CDC42BPA: variants seen among roughly 807,000 people sequenced by gnomAD.
CDC42BPA encodes the protein serine/threonine-protein kinase MRCK alpha.
CDC42BPA carries 80 observed loss-of-function variants against 223.5 expected under a neutral mutation model. The ratio of observed to expected loss-of-function variants is 0.36; its 90% CI spans 0.30 to 0.43. CDC42BPA has a LOEUF of 0.43. Ranked by LOEUF, CDC42BPA falls within the 20% of genes least tolerant of loss-of-function variation. CDC42BPA has a pLI of 1.00. For synonymous variants in CDC42BPA, 694 were observed against 718.6 expected (o/e 0.97, Z 0.55); for missense variants, 1,743 against 2,099.9 (o/e 0.83, Z 3.32).
rs765320519 is a variant in CDC42BPA, at chr1:227,028,858, C to G, written c.4231G>C (p.Gly1411Arg). 5 of 1,613,632 alleles carry G rather than the reference C, an allele frequency of 3.1e-6. No homozygotes were observed. The South Asian group carries it at 5.5e-5, about 18-fold the overall frequency. The part of the protein sequence containing the change: ...GFLRYPLNGE[G>R]NPYSMLHSND... ...GAATGGAGCATACTGTATGGATTTC[C>G]TTCTCCATTCAAGGGGTATCTTAGA... The change falls in exon 30 of 37, where the codon GGA becomes CGA. Residue 1411 changes from glycine (G) to arginine (R), a missense_variant. Around this residue, in one of 6 missense-constraint regions of CDC42BPA, gnomAD observed 678 missense variants for 777.5 expected, o/e 0.87. Transcript: ENST00000366766.
At chr1:227,104,961 G>GA (rs201877568) in intron 14 of CDC42BPA, among the ~76,000 whole-genome samples, 43 of 149,046 alleles carry the variant, frequency 2.9e-4, no homozygotes, top group South Asian at 1.1e-3. Context: ...ACACAATAGG[G>GA]AAAAAAAAAT....
chr1:227,193,942 T>G lies in CDC42BPA; in HGVS notation c.451-8A>C. On this transcript the variant is annotated splice_region_variant and splice_polypyrimidine_tract_variant and intron_variant, in intron 4 of 36. Transcript: ENST00000366766. ...ATAATCCATAACCAGGTACTGTGAATGAAAAAAATAAAATGTACTCAGTAA... is the reference window on the plus strand; with the variant it reads ...ATAATCCATAACCAGGTACTGTGAAGGAAAAAAATAAAATGTACTCAGTAA... The G allele has an allele frequency of 6.3e-7, 1 of 1,591,572 alleles. No individual in the cohort carries two copies. Among genetic ancestry groups the G allele is most frequent in the Non-Finnish European group, 8.5e-7 (1 of 1,170,512 alleles).
chr1:227,305,450 G>C (rs59187211), intron 1 of CDC42BPA, among the ~76,000 whole-genome samples: 46,764 of 151,980 alleles, frequency 0.31, 7,381 homozygotes, highest in East Asian at 0.37. Context: ...AAGAAACCTC[G>C]TCTTCATTTC....
chr1:227,171,413 G>A (rs560862166), intron 5 of CDC42BPA, among the ~76,000 whole-genome samples: 36 of 152,270 alleles, frequency 2.4e-4, no homozygotes, highest in Non-Finnish European at 1.5e-5. Flanking sequence ...TTGAGTCCAG[G>A]AGTTTATGAC....
chr1:227,011,528 T>C (rs1043627919), intron 34 of CDC42BPA, among the ~76,000 whole-genome samples: 10 of 152,192 alleles, frequency 6.6e-5, no homozygotes, highest in African/African-American at 2.4e-4. Context: ...CATTCCCTGA[T>C]AATGTGTTTG....
rs140091366 is a variant in CDC42BPA at position 227,129,714 on chromosome 1, T to TATATATATATAC, written c.1391-484_1391-483insGTATATATATAT. On this transcript the variant is annotated intron_variant, in intron 10 of 36. Coordinates refer to ENST00000366766, the MANE Select transcript of CDC42BPA (RefSeq NM_001394014.1). The stretch of plus-strand genomic sequence containing the variant: ...AAAAAATCCACTGCATATATATATA[T>TATATATATATAC]ACAAAAGAATCCACCTTCTAATAAT... Among the ~76,000 whole-genome samples the TATATATATATAC allele has an allele frequency of 1.9e-3, 197 of 105,760 alleles. 4 individuals carry two copies. The highest frequency in any genetic ancestry group is 9.7e-3 in the East Asian group (37 of 3,828). 69.4% of individuals were successfully genotyped at this position (105,760 alleles called of 152,430 possible).
chr1:227,263,585 T>A (rs907045374), intron 1 of CDC42BPA, among the ~76,000 whole-genome samples: 2 of 149,092 alleles, frequency 1.3e-5, no homozygotes, highest in African/African-American at 4.9e-5. Context: ...AGAATCAATT[T>A]TTTTTTTTTT....
chr1:227,076,964 T>C (rs1679619581), intron 17 of CDC42BPA, among the ~76,000 whole-genome samples: 1 of 152,222 alleles, frequency 6.6e-6, no homozygotes, highest in Non-Finnish European at 1.5e-5. Context: ...GAAGCTAATC[T>C]GTTAAAACTC....
At chr1:227,177,136 A>AAAAT (rs1553378357) in intron 5 of CDC42BPA, among the ~76,000 whole-genome samples, 6 of 147,512 alleles carry the variant, frequency 4.1e-5, no homozygotes, top group African/African-American at 1.6e-4. Context: ...AGAAAAAAAA[A>AAAAT]ATATATATAT....
At chr1:227,135,651 G>C in intron 10 of CDC42BPA, among the ~76,000 whole-genome samples, 1 of 151,914 alleles carries the variant, frequency 6.6e-6, no homozygotes. Context: ...TCAGGAGATC[G>C]AGACTATCCT....
chr1:227,155,638 C>T (rs889356901), intron 6 of CDC42BPA, among the ~76,000 whole-genome samples: 4 of 152,214 alleles, frequency 2.6e-5, no homozygotes, highest in South Asian at 2.1e-4. Context: ...AGTAATTCAA[C>T]GTGGTGGAGA....
intron 23 of CDC42BPA, among the ~76,000 whole-genome samples, chr1:227,042,217 T>G (rs1393644297): frequency 6.6e-6 from 1 of 151,854 alleles, no homozygotes; most frequent in Non-Finnish European, 1.5e-5. Context: ...CCTGAAACAG[T>G]AGCAATGAAA....
At chr1:227,063,819 A>G (rs1448711414) in intron 21 of CDC42BPA, among the ~76,000 whole-genome samples, 1 of 152,210 alleles carries the variant, frequency 6.6e-6, no homozygotes, top group African/African-American at 2.4e-5. Context: ...CGCTGAAACT[A>G]TGCTGCCAAG....
At chr1:227,027,691 T>G (rs1438726220) in intron 30 of CDC42BPA, among the ~76,000 whole-genome samples, 1 of 152,214 alleles carries the variant, frequency 6.6e-6, no homozygotes, top group African/African-American at 2.4e-5. Context: ...TCACGAATCT[T>G]TTCCACTGCA....
intron 35 of CDC42BPA, among the ~76,000 whole-genome samples, chr1:227,001,547 T>C (rs1387376987): frequency 6.6e-6 from 1 of 152,146 alleles, no homozygotes; most frequent in African/African-American, 2.4e-5. Context: ...ATTCCACAAA[T>C]CCAAAAGTGC....
chr1:227,091,547 T>A (rs1558477319), intron 16 of CDC42BPA, among the ~76,000 whole-genome samples: 1 of 152,162 alleles, frequency 6.6e-6, no homozygotes, highest in Non-Finnish European at 1.5e-5. Flanking sequence ...TGCAGAACCA[T>A]AAGCCAAAAT....
intron 11 of CDC42BPA, among the ~76,000 whole-genome samples, chr1:227,120,924 A>T (rs776707934): frequency 6.6e-6 from 1 of 152,206 alleles, no homozygotes; most frequent in African/African-American, 2.4e-5. Flanking sequence ...ATCATCAGGC[A>T]TTAGTCAGAT....
At chr1:227,181,014 T>G (rs1478425292) in intron 5 of CDC42BPA, among the ~76,000 whole-genome samples, 1 of 152,094 alleles carries the variant, frequency 6.6e-6, no homozygotes, top group Non-Finnish European at 1.5e-5. Context: ...TGTTAAGTCA[T>G]TAGAAATAAC....
chr1:227,200,407 G>A (rs112554566), intron 3 of CDC42BPA, among the ~76,000 whole-genome samples: 23,831 of 147,052 alleles, frequency 0.16, 2,408 homozygotes, highest in African/African-American at 0.28. Flanking sequence ...CTCCAACCTG[G>A]GTGACAGAGT....
Sources: allele counts gnomAD v4.1 joint callset (sites outside exome capture counted in the v4.1 genomes callset), GRCh38; gene constraint gnomAD v4.1.1; regional missense constraint gnomAD v4.1.1; transcripts MANE v1.5; gene names NCBI Gene and HGNC (gene_info 2026-07-23, HGNC 2026-07-21).